The following EYS variants were observed in gnomAD, a reference collection of about 807,000 sequenced individuals.
The protein encoded by EYS is protein eyes shut homolog.
In EYS, 250 loss-of-function variants were observed where a neutral mutation model predicts 282.1. The observed-to-expected ratio is 0.89, with a 90% CI of 0.80 to 0.98. The LOEUF is 0.98. Among genes scored for constraint, EYS ranks in the 50% least tolerant of loss-of-function variants. The pLI is 0.00. For synonymous variants in EYS, 1,355 were observed against 1,282.9 expected, an observed-to-expected ratio of 1.06 and a Z score of -1.20; for missense variants, 4,016 against 3,709.0, an observed-to-expected ratio of 1.08 and a Z score of -2.15.
At chr6:64,139,812 T>C (rs919439811) in intron 31 of EYS, among the ~76,000 whole-genome samples, 8 of 151,672 alleles carry the variant, frequency 5.3e-5, no homozygotes, top group Non-Finnish European at 1.2e-4. Flanking sequence ...CTACTAAAAA[T>C]ACAAAAATTA....
intron 22 of EYS, among the ~76,000 whole-genome samples, chr6:64,626,689 A>G (rs567247993): frequency 1.2e-3 from 183 of 152,300 alleles, no homozygotes; most frequent in African/African-American, 4.3e-3. Context: ...TTTTTCCTAG[A>G]GTTTTCAGAG....
At chr6:64,624,617 A>C (rs1269258433) in intron 23 of EYS, among the ~76,000 whole-genome samples, 1 of 152,176 alleles carries the variant, frequency 6.6e-6, no homozygotes, top group Non-Finnish European at 1.5e-5. Flanking sequence ...TACGTGACCA[A>C]ATAAAACCTA....
intron 30 of EYS, among the ~76,000 whole-genome samples, chr6:64,274,258 C>A (rs1768033501): frequency 6.6e-6 from 1 of 152,260 alleles, no homozygotes; most frequent in Non-Finnish European, 1.5e-5. Flanking sequence ...TCACTGCAAC[C>A]TGTGTCTCCT....
chr6:65,542,397 C>A lies in EYS; in HGVS notation c.-332-46404G>T, dbSNP rs1024934604. The stretch of plus-strand genomic sequence containing the variant: ...CACCAGTCTATCGAATTTTAAAATA[C>A]CTAATATTCTTTTCCAAATAGTATT... On this transcript the variant is annotated intron_variant, in intron 2 of 42. Transcript: ENST00000503581. Among the ~76,000 whole-genome samples, 6 of 151,654 alleles carry A rather than the reference C, an allele frequency of 4.0e-5. No homozygotes were observed. The South Asian group carries it at 1.3e-3, about 32-fold the overall frequency.
In EYS at chr6:65,346,406, G is replaced by GAA. The variant is rs750357736; in HGVS notation, c.1460-2231_1460-2230dup. 1.3e-3 allele frequency among the ~76,000 whole-genome samples: 147 copies of GAA among 114,406 alleles called. 1 individual carries two copies. Among genetic ancestry groups the GAA allele is most frequent in the African/African-American group, 4.0e-3 (123 of 31,080 alleles). The allele number at this position is 114,406 out of a possible 152,430, so 75.1% of individuals were successfully genotyped here. ...GAAGAAAAGTCATTTTACCCTTATT[G>GAA]AAAAAAAAAACAAAAAACAATGTCC... is the stretch of plus-strand genomic sequence containing the variant. On this transcript the variant is annotated intron_variant, in intron 9 of 42. Coordinates refer to ENST00000503581, the MANE Select transcript of EYS (RefSeq NM_001142800.2).
intron 41 of EYS, among the ~76,000 whole-genome samples, chr6:63,733,480 A>G (rs1768831722): frequency 1.4e-5 from 2 of 147,278 alleles, no homozygotes; most frequent in African/African-American, 2.5e-5. Context: ...TATTGTTCCC[A>G]TCTTTATATC....
chr6:64,864,693 T>C (rs576065838), intron 19 of EYS, among the ~76,000 whole-genome samples: 101 of 151,652 alleles, frequency 6.7e-4, no homozygotes, highest in African/African-American at 1.9e-3. Flanking sequence ...CCAGAAGTGC[T>C]ATGACTAATG....
At chr6:65,280,486 A>T (rs1768186255) in intron 12 of EYS, among the ~76,000 whole-genome samples, 2 of 152,310 alleles carry the variant, frequency 1.3e-5, no homozygotes, top group African/African-American at 2.4e-5. Flanking sequence ...CTGACGTTTC[A>T]CATAGAATGC....
intron 22 of EYS, among the ~76,000 whole-genome samples, chr6:64,647,515 T>A (rs964341591): frequency 2.0e-5 from 3 of 152,164 alleles, no homozygotes; most frequent in African/African-American, 7.2e-5. Flanking sequence ...AATAGCTATG[T>A]ACAGATTTTC....
chr6:63,784,079 C>G (rs1770305540), intron 39 of EYS, among the ~76,000 whole-genome samples: 1 of 152,152 alleles, frequency 6.6e-6, no homozygotes, highest in African/African-American at 2.4e-5. Flanking sequence ...GAAACATTGG[C>G]TTTTCTTGGG....
chr6:64,594,991 TA>T (rs1362424668), intron 24 of EYS, among the ~76,000 whole-genome samples: 1 of 151,634 alleles, frequency 6.6e-6, no homozygotes, highest in Admixed American at 6.6e-5. Context: ...GACAAGAACA[TA>T]AAAAAATCCA....
In EYS at chr6:64,591,084, T is replaced by C. The variant is rs1766391548; in HGVS notation, c.4783A>G (p.Ser1595Gly). The change falls in exon 26 of 43, where the codon AGC becomes GGC. Residue 1595 changes from serine (S) to glycine (G), a missense_variant. Transcript: ENST00000503581. ...TGAGCTCCCATTAGTGCATACCAGC[T>C]GGCTAATATCGCTGAGTTCATCCAG... ...TFWMNSAILASWYALMGAQTI... is the reference protein window; with the variant it reads ...TFWMNSAILAGWYALMGAQTI... The C allele has an allele frequency of 6.4e-7, 1 of 1,551,340 alleles. No individual in the cohort carries two copies. Among genetic ancestry groups the C allele is most frequent in the South Asian group, 1.2e-5 (1 of 84,062 alleles).
rs146133123 is a variant in EYS at position 65,260,532 on chromosome 6, T to C, written c.2023+35331A>G. On this transcript the variant is annotated intron_variant, in intron 12 of 42. Coordinates refer to ENST00000503581, the MANE Select transcript of EYS (RefSeq NM_001142800.2). The stretch of plus-strand genomic sequence containing the variant: ...CACTTTTTCCATAAAGCTTTTCTTC[T>C]CTCATTAAAATTGTCTTTGTTTGAA... 3.4e-3 allele frequency among the ~76,000 whole-genome samples: 516 copies of C among 152,214 alleles called. 2 individuals carry two copies. Among genetic ancestry groups the C allele is most frequent in the Middle Eastern group, 0.024 (7 of 294 alleles).
intron 35 of EYS, among the ~76,000 whole-genome samples, chr6:63,939,742 T>C (rs1019097213): frequency 6.6e-6 from 1 of 152,144 alleles, no homozygotes; most frequent in Non-Finnish European, 1.5e-5. Context: ...CATAAATGCA[T>C]AATACATATG....
intron 33 of EYS, among the ~76,000 whole-genome samples, chr6:64,041,808 C>T (rs1017029432): frequency 6.6e-6 from 1 of 152,138 alleles, no homozygotes; most frequent in African/African-American, 2.4e-5. Flanking sequence ...CTTAATATAT[C>T]TAACTGTAAG....
At chr6:64,329,062 A>G (rs556281773) in intron 29 of EYS, among the ~76,000 whole-genome samples, 4 of 152,202 alleles carry the variant, frequency 2.6e-5, no homozygotes, top group Non-Finnish European at 5.9e-5. Flanking sequence ...AATTATTATT[A>G]TGAGGACTGA....
At chr6:64,927,311 C>T (rs933614028) in intron 15 of EYS, among the ~76,000 whole-genome samples, 5 of 151,948 alleles carry the variant, frequency 3.3e-5, no homozygotes, top group African/African-American at 1.2e-4. Context: ...TTGGAAATAC[C>T]CACAGATTAT....
At chr6:64,311,750 AC>A (rs1769714321) in intron 29 of EYS, among the ~76,000 whole-genome samples, 1 of 152,084 alleles carries the variant, frequency 6.6e-6, no homozygotes, top group Admixed American at 6.5e-5. Context: ...GTGTCAGCTC[AC>A]CCGGGAAGCA....
intron 7 of EYS, among the ~76,000 whole-genome samples, chr6:65,395,037 T>G (rs1188032281): frequency 3.9e-5 from 6 of 152,326 alleles, no homozygotes; most frequent in South Asian, 4.1e-4. Context: ...TATCTTTCTC[T>G]AATGTAATCC....
Sources: gnomAD v4.1 joint callset for allele counts (sites outside exome capture counted in the v4.1 genomes callset) on GRCh38, gnomAD v4.1.1 for gene constraint, MANE v1.5 for transcripts, NCBI Gene and HGNC (gene_info 2026-07-23, HGNC 2026-07-21) for gene names.